The following TTC13 variants were observed in gnomAD, a reference collection of about 807,000 sequenced individuals.
TTC13 encodes the protein tetratricopeptide repeat protein 13.
Under a neutral mutation model 120.0 loss-of-function variants are expected in TTC13, and 62 were observed. That is an observed-to-expected ratio of 0.52 (90% confidence interval 0.42 to 0.64). The LOEUF is 0.64. Among genes scored for constraint, TTC13 ranks in the 30% least tolerant of loss-of-function variants. The pLI, the probability that TTC13 is intolerant of heterozygous loss-of-function variation, is 0.00. For synonymous variants in TTC13, 384 were observed against 393.5 expected (o/e 0.98, Z 0.28); for missense variants, 824 against 1,050.2 (o/e 0.78, Z 2.98).
intron 18 of TTC13, 119 bp downstream of exon 18, chr1:230,916,074 T>C (rs1671994787): frequency 1.3e-6 from 1 of 763,158 alleles, no homozygotes; most frequent in Non-Finnish European, 2.3e-6. Context: ...TGGACCTTGA[T>C]ACTTTTCATT....
chr1:230,978,860 T>A lies in TTC13; in HGVS notation c.-30A>T. The stretch of plus-strand genomic sequence containing the variant: ...CCTCAAGGCGCATGCGCGACAGCCC[T>A]TGCCCGGCTCTCAGGCCTCCCCGCC... On this transcript the variant is annotated 5_prime_UTR_variant, in exon 1 of 23. The change creates a new upstream start codon in the 5' untranslated region. Coordinates refer to ENST00000366661, the MANE Select transcript of TTC13 (RefSeq NM_024525.5). This position sits in a 1 kb window ranked among gnomAD's most constrained non-coding sequence, Gnocchi z 5.6. 6.9e-7 allele frequency: 1 copy of A among 1,442,846 alleles called. No homozygotes were observed. Among genetic ancestry groups the A allele is most frequent in the Non-Finnish European group, 9.0e-7 (1 of 1,108,558 alleles). 89.4% of individuals were successfully genotyped at this position (1,442,846 alleles called of 1,614,324 possible). A position where few individuals can be genotyped will look rare whatever the true frequency, so the allele number is the denominator to read the frequency against.
At chr1:230,910,437 C>T (rs529902634) in intron 20 of TTC13, among the ~76,000 whole-genome samples, 2 of 152,322 alleles carry the variant, frequency 1.3e-5, no homozygotes, top group East Asian at 3.9e-4. Context: ...TGCTGGAGAG[C>T]CGCAGGGCAC....
chr1:230,974,517 A>G (rs183324169), intron 1 of TTC13, among the ~76,000 whole-genome samples: 10 of 152,332 alleles, frequency 6.6e-5, no homozygotes, highest in African/African-American at 9.6e-5. Context: ...GTAACATGCT[A>G]CAGGTCTGTA....
At chr1:230,964,930 A>T (rs1323133824) in intron 1 of TTC13, among the ~76,000 whole-genome samples, 1 of 152,204 alleles carries the variant, frequency 6.6e-6, no homozygotes, top group Non-Finnish European at 1.5e-5. Flanking sequence ...TCCATATGCA[A>T]AAGAATGAAA....
chr1:230,917,668 G>A (rs1672169249), intron 17 of TTC13, among the ~76,000 whole-genome samples: 1 of 152,012 alleles, frequency 6.6e-6, no homozygotes, highest in Non-Finnish European at 1.5e-5. Context: ...TCAGACAACA[G>A]TTGGTGATTT....
At position 230,920,548 on chromosome 1, in the gene TTC13, T is replaced by C. The variant is rs1350098601; in HGVS notation, c.1945A>G (p.Lys649Glu). Residue 649 changes from lysine (K) to glutamate (E), a missense_variant, in exon 17 of 23, where the codon AAG becomes GAG. This residue lies in a region of TTC13 where 226 missense variants were observed against 259.1 expected (regional missense o/e 0.87). Transcript: ENST00000366661. ...AGAAGGTCTTCTACTTTGTGTACCT[T>C]TTCCAGGGCTTCCCGAACTTCCAGC... is the stretch of plus-strand genomic sequence containing the variant. ...GLLEVREALEKVHKVEDLLPI... is the reference protein window; with the variant it reads ...GLLEVREALEEVHKVEDLLPI... 1 of 1,604,360 alleles carries C rather than the reference T, an allele frequency of 6.2e-7. No individual in the cohort carries two copies. Among genetic ancestry groups the C allele is most frequent in the African/African-American group, 1.3e-5 (1 of 74,498 alleles).
rs3748775 is a variant in TTC13 at position 230,924,990 on chromosome 1, T to C, written c.1589-17A>G. On this transcript the variant is annotated splice_polypyrimidine_tract_variant and intron_variant, in intron 13 of 22. Coordinates refer to ENST00000366661, the MANE Select transcript of TTC13 (RefSeq NM_024525.5). Reference sequence around the variant, plus strand: ...AACCCATAGCTACGAGAAAGGAATATCGAGAAGAGTTAGTACACTTTAGAG... The same window carrying C: ...AACCCATAGCTACGAGAAAGGAATACCGAGAAGAGTTAGTACACTTTAGAG... The C allele has an allele frequency of 0.51, 821,435 of 1,613,310 alleles. 212,684 individuals carry two copies. The highest frequency in any genetic ancestry group is 0.65 in the Admixed American group (38,712 of 60,016).
At position 230,931,313 on chromosome 1, in the gene TTC13, C is replaced by G; in HGVS notation, c.1285G>C (p.Val429Leu). The G allele has an allele frequency of 6.2e-7, 1 of 1,613,736 alleles. No individual in the cohort carries two copies. Among genetic ancestry groups the G allele is most frequent in the African/African-American group, 1.3e-5 (1 of 75,052 alleles). ...TCTGACTTACCTCGGAGATACTTTA[C>G]TTTAAGATACTCAGGGCTAGCCTTC... The part of the protein sequence containing the change: ...GQKASPEYLK[V>L]KYLREYSRYL... Residue 429 changes from valine (V) to leucine (L), a missense_variant, in exon 11 of 23, where the codon GTA (valine) becomes CTA (leucine). Val to Leu is a conservative substitution (Grantham distance 32). Coordinates refer to ENST00000366661, the MANE Select transcript of TTC13 (RefSeq NM_024525.5).
At chr1:230,928,707 A>G (rs1314931330) in intron 12 of TTC13, among the ~76,000 whole-genome samples, 1 of 152,136 alleles carries the variant, frequency 6.6e-6, no homozygotes, top group Non-Finnish European at 1.5e-5. Context: ...GATGTTTGCT[A>G]TAGGTGTTTT....
intron 11 of TTC13, 33 bp from the exon 12 acceptor site, chr1:230,929,126 A>G (rs759897857): frequency 2.0e-5 from 32 of 1,596,544 alleles, no homozygotes; most frequent in Non-Finnish European, 2.7e-5. Flanking sequence ...GACACATCCA[A>G]ATACTGCTAA....
chr1:230,912,779 G>A, intron 18 of TTC13, 21 bp from the exon 19 acceptor site: 3 of 1,598,122 alleles, frequency 1.9e-6, no homozygotes, highest in East Asian at 4.5e-5. Context: ...AAAAATAAGT[G>A]TGAAAGGCAT....
chr1:230,966,424 T>C lies in TTC13; in HGVS notation c.272-5121A>G, dbSNP rs577752819. The stretch of plus-strand genomic sequence containing the variant: ...ATACTTCTTTATAAAATTTGATCTC[T>C]TTATTTAAATATTTTATTAAACTAT... On this transcript the variant is annotated intron_variant, in intron 1 of 22. Coordinates refer to ENST00000366661, the MANE Select transcript of TTC13 (RefSeq NM_024525.5). Among the ~76,000 whole-genome samples, 435 of 144,680 alleles carry C rather than the reference T, an allele frequency of 3.0e-3. 3 individuals are homozygous for C. The highest frequency in any genetic ancestry group is 0.011 in the African/African-American group (412 of 37,736). The allele number at this position is 144,680 out of a possible 152,430, so 94.9% of individuals were successfully genotyped here.
chr1:230,943,739 T>C, intron 6 of TTC13, 67 bp downstream of exon 6: 2 of 1,327,936 alleles, frequency 1.5e-6, no homozygotes, highest in Non-Finnish European at 2.1e-6. Flanking sequence ...AATAATAAAG[T>C]AATAGGAAAA....
chr1:230,962,726 G>A (rs762553203), intron 1 of TTC13, among the ~76,000 whole-genome samples: 6 of 152,116 alleles, frequency 3.9e-5, no homozygotes, highest in Non-Finnish European at 8.8e-5. Flanking sequence ...ACAAATTTTG[G>A]TGTATACAGA....
At chr1:230,919,798 A>G (rs950637899) in intron 17 of TTC13, among the ~76,000 whole-genome samples, 4 of 152,156 alleles carry the variant, frequency 2.6e-5, no homozygotes, top group African/African-American at 4.8e-5. Context: ...ATCCATCCAC[A>G]TTGGCAAGGC....
chr1:230,943,003 C>T (rs1005132015), intron 6 of TTC13, among the ~76,000 whole-genome samples: 1 of 152,200 alleles, frequency 6.6e-6, no homozygotes, highest in Non-Finnish European at 1.5e-5. Context: ...ATCTATGTAT[C>T]CATGCACCTA....
intron 18 of TTC13, among the ~76,000 whole-genome samples, chr1:230,913,624 G>A (rs1468149733): frequency 2.0e-5 from 3 of 152,182 alleles, no homozygotes; most frequent in African/African-American, 4.8e-5. Context: ...ATGCTGGTAT[G>A]AGCCACCACT....
At chr1:230,931,195 T>C (rs535988399) in intron 11 of TTC13, 103 bp downstream of exon 11, 9 of 1,295,666 alleles carry the variant, frequency 6.9e-6, no homozygotes, top group African/African-American at 1.5e-5. Flanking sequence ...ACCTGGCCTC[T>C]TTCAGACTCC....
intron 19 of TTC13, 118 bp from the exon 20 acceptor site, chr1:230,911,667 C>T (rs1200886232): frequency 5.2e-6 from 3 of 578,064 alleles, no homozygotes; most frequent in African/African-American, 2.0e-5. Flanking sequence ...TCTTCCTCCC[C>T]CATAAGAATC....
Sources: allele counts gnomAD v4.1 joint callset (sites outside exome capture counted in the v4.1 genomes callset), GRCh38; gene constraint gnomAD v4.1.1; regional missense constraint gnomAD v4.1.1; non-coding constraint Gnocchi (gnomAD v3.1); transcripts MANE v1.5; gene names NCBI Gene and HGNC (gene_info 2026-07-23, HGNC 2026-07-21).